Variants in MLYCD observed in about 807,000 individuals in gnomAD.
The protein encoded by MLYCD is malonyl-CoA decarboxylase, mitochondrial.
In MLYCD, 27 loss-of-function variants were observed where a neutral mutation model predicts 35.8. The observed-to-expected ratio is 0.75, with a 90% confidence interval of 0.56 to 1.04. The LOEUF is 1.04. Among genes scored for constraint, MLYCD ranks in the 50% least tolerant of loss-of-function variants. The pLI, the probability that MLYCD is intolerant of heterozygous loss-of-function variation, is 0.00. For missense variants in MLYCD, 917 were observed against 665.1 expected (o/e 1.38, Z -4.17); for synonymous variants, 403 against 302.4 (o/e 1.33, Z -3.45).
intron 1 of MLYCD, among the ~76,000 whole-genome samples, chr16:83,901,213 A>G (rs1356051470): frequency 6.6e-6 from 1 of 152,206 alleles, no homozygotes; most frequent in Non-Finnish European, 1.5e-5. Flanking sequence ...TACTGTGTTG[A>G]ATTATCATGT....
intron 1 of MLYCD, among the ~76,000 whole-genome samples, chr16:83,904,655 A>ATT (rs1906912854): frequency 6.6e-6 from 1 of 152,208 alleles, no homozygotes; most frequent in Non-Finnish European, 1.5e-5. Context: ...AGTAAAGGAG[A>ATT]TTGAGTCATG....
chr16:83,926,530 C>T lies in MLYCD; in HGVS notation c.*11041C>T, dbSNP rs1907813207. 1 of 152,330 alleles carries T rather than the reference C, an allele frequency of 6.6e-6. No individual in the cohort carries two copies. Among genetic ancestry groups the T allele is most frequent in the Admixed American group, 6.5e-5 (1 of 15,280 alleles). The allele number at this position is 152,330 out of a possible 1,614,324, so 9.4% of individuals were successfully genotyped here. A position where few individuals can be genotyped will look rare whatever the true frequency, so the allele number is the denominator to read the frequency against. Reference sequence around the variant, plus strand: ...ACACGCGGCCGCCCTTCTCAGGAGCCCACTTCCACCTCTCGCAGGCTAGAC... The same window carrying T: ...ACACGCGGCCGCCCTTCTCAGGAGCTCACTTCCACCTCTCGCAGGCTAGAC... On this transcript the variant is annotated 3_prime_UTR_variant, in exon 5 of 5. Transcript: ENST00000262430.
chr16:83,899,950 G>A (rs150560552), intron 1 of MLYCD, among the ~76,000 whole-genome samples: 41 of 152,334 alleles, frequency 2.7e-4, no homozygotes, highest in African/African-American at 9.6e-4. Flanking sequence ...TAAGGTAGCT[G>A]TCACCTCTCG....
At chr16:83,909,373 A>G (rs921216305) in intron 3 of MLYCD, among the ~76,000 whole-genome samples, 1 of 152,152 alleles carries the variant, frequency 6.6e-6, no homozygotes, top group Non-Finnish European at 1.5e-5. Context: ...CTGTAGACAC[A>G]TGGCGCGGCC....
rs1304799796 is a variant in MLYCD, at chr16:83,915,462, C to G, written c.1455C>G (p.Ala485=). ...CTGAGCAGGTCCTCAGCCTAGTGGC[C>G]CAGTTTCAAAAGAACAGCAAGCTCT... ...KASEQVLSLV[A]QFQKNSKL Residue 485 remains alanine, a synonymous_variant, in exon 5 of 5, where the codon GCC becomes GCG. Transcript: ENST00000262430. 6.2e-7 allele frequency: 1 copy of G among 1,612,876 alleles called. No homozygotes were observed. The highest frequency in any genetic ancestry group is 1.1e-5 in the South Asian group (1 of 91,080).
At chr16:83,911,939 A>C (rs1907193377) in intron 3 of MLYCD, 1 of 453,140 alleles carries the variant, frequency 2.2e-6, no homozygotes, top group African/African-American at 2.0e-5. Flanking sequence ...AAAGAGACAG[A>C]AAGGGGCATA....
chr16:83,909,358 G>C (rs1907091041), intron 3 of MLYCD, among the ~76,000 whole-genome samples: 1 of 152,186 alleles, frequency 6.6e-6, no homozygotes, highest in Non-Finnish European at 1.5e-5. Context: ...GGCTCCAGGA[G>C]GGCGCTGTAG....
rs1907738506 is a variant in MLYCD, at chr16:83,924,212, G to T, written c.*8723G>T. ...GAGACAGCCTCCTCTCATGACCCCA[G>T]ACTCAGCCCGGGCCGTGGTGGGAAC... On this transcript the variant is annotated 3_prime_UTR_variant, in exon 5 of 5. Transcript: ENST00000262430. The T allele has an allele frequency of 6.6e-6, 1 of 152,252 alleles. No homozygotes were observed. Among genetic ancestry groups the T allele is most frequent in the Non-Finnish European group, 1.5e-5 (1 of 68,126 alleles). The allele number at this position is 152,252 out of a possible 1,614,324, so 9.4% of individuals were successfully genotyped here.
intron 3 of MLYCD, chr16:83,911,900 G>A (rs578258809): frequency 5.3e-6 from 2 of 379,498 alleles, no homozygotes; most frequent in Admixed American, 7.6e-5. Flanking sequence ...AGAGTTTATG[G>A]AGCAAGTTTT....
chr16:83,912,670 C>T (rs993215361), intron 4 of MLYCD: 1 of 409,110 alleles, frequency 2.4e-6, no homozygotes, highest in African/African-American at 2.0e-5. Context: ...GGTCAGGACA[C>T]TCTGGATTTC....
At chr16:83,907,891 T>G (rs143441691) in intron 2 of MLYCD, among the ~76,000 whole-genome samples, 1 of 152,308 alleles carries the variant, frequency 6.6e-6, no homozygotes, top group East Asian at 1.9e-4. Context: ...AAACTCCTTT[T>G]AAAACTGGGG....
chr16:83,901,457 C>G (rs1906783071), intron 1 of MLYCD, among the ~76,000 whole-genome samples: 2 of 152,166 alleles, frequency 1.3e-5, no homozygotes, highest in African/African-American at 4.8e-5. Flanking sequence ...GGAGGTGAGT[C>G]TGCCCCACAC....
intron 1 of MLYCD, among the ~76,000 whole-genome samples, chr16:83,900,660 C>A (rs1245328491): frequency 1.5e-5 from 2 of 137,332 alleles, no homozygotes; most frequent in African/African-American, 5.5e-5. Flanking sequence ...TTTTAATGAA[C>A]GAAAAATGAC....
At chr16:83,910,066 T>C (rs1455510376) in intron 3 of MLYCD, among the ~76,000 whole-genome samples, 1 of 152,154 alleles carries the variant, frequency 6.6e-6, no homozygotes, top group Non-Finnish European at 1.5e-5. Context: ...CACGTGAGAA[T>C]GTGCGTGGGT....
In MLYCD at chr16:83,899,178, C is replaced by A. The variant is rs981839405; in HGVS notation, c.34C>A (p.Arg12Ser). 2 of 1,167,674 alleles carry A rather than the reference C, an allele frequency of 1.7e-6. No individual in the cohort carries two copies. The highest frequency in any genetic ancestry group is 2.1e-6 in the Non-Finnish European group (2 of 950,254). 72.3% of individuals were successfully genotyped at this position (1,167,674 alleles called of 1,614,324 possible). A position where few individuals can be genotyped will look rare whatever the true frequency, so the allele number is the denominator to read the frequency against. Residue 12 changes from arginine to serine, a missense_variant, in exon 1 of 5, where the codon CGT becomes AGT. Physicochemically the swap from Arg to Ser is moderately radical, Grantham distance 110. Coordinates refer to ENST00000262430, the MANE Select transcript of MLYCD (RefSeq NM_012213.3). ...RGFGPGLTAR[R>S]LLPLRLPPRP... ...CTTCGGGCCAGGCTTGACGGCCAGG[C>A]GTCTCCTCCCGCTGCGGTTGCCCCC...
At chr16:83,912,685 G>A (rs1036656549) in intron 4 of MLYCD, 13 of 386,838 alleles carry the variant, frequency 3.4e-5, no homozygotes, top group South Asian at 2.8e-4. Flanking sequence ...GATTTCACGT[G>A]TCATCCTGGT....
intron 1 of MLYCD, among the ~76,000 whole-genome samples, chr16:83,900,559 G>A (rs1470631366): frequency 6.6e-6 from 1 of 150,688 alleles, no homozygotes; most frequent in African/African-American, 2.4e-5. Flanking sequence ...GGGACTACAG[G>A]TGCAGGCCAC....
rs1446693620 is a variant in MLYCD at position 83,916,939 on chromosome 16, GTC to G, written c.*1452_*1453del. The G allele has an allele frequency of 7.2e-6, 1 of 139,000 alleles. No individual in the cohort carries two copies. 8.6% of individuals were successfully genotyped at this position (139,000 alleles called of 1,614,324 possible). On this transcript the variant is annotated 3_prime_UTR_variant, in exon 5 of 5. Transcript: ENST00000262430. ...AGCGTCTCTGTGTGGATCAGTGCAC[GTC>G]TGTGTGCGTGTGCACGAGCGTTCTA...
At chr16:83,910,890 C>A (rs1392619536) in intron 3 of MLYCD, among the ~76,000 whole-genome samples, 1 of 152,166 alleles carries the variant, frequency 6.6e-6, no homozygotes, top group African/African-American at 2.4e-5. Context: ...AGTCACAGAC[C>A]CTGTTAAGAA....
Sources: gnomAD v4.1 joint callset for allele counts (sites outside exome capture counted in the v4.1 genomes callset) on GRCh38, gnomAD v4.1.1 for gene constraint, MANE v1.5 for transcripts, NCBI Gene and HGNC (gene_info 2026-07-23, HGNC 2026-07-21) for gene names.